Variants in TINCR observed in about 807,000 individuals in gnomAD.
TINCR encodes TINCR-encoded ubiquitin-like protein.
chr19:5,561,516 G>C (rs1318711039), downstream of TINCR: 1 of 152,352 alleles, frequency 6.6e-6, no homozygotes, highest in Admixed American at 6.5e-5. Flanking sequence ...GACACGGACA[G>C]TGATCTGCAG....
intron 1 of TINCR, among the ~76,000 whole-genome samples, chr19:5,564,881 A>T (rs2052120296): frequency 6.6e-6 from 1 of 151,544 alleles, no homozygotes; most frequent in South Asian, 2.1e-4. Flanking sequence ...CCCAGCCAAA[A>T]CTGTCTCCTC....
In TINCR at chr19:5,563,898, G is replaced by C. The variant is rs2052114269; in HGVS notation, c.261-949C>G. 6.6e-6 allele frequency among the ~76,000 whole-genome samples: 1 copy of C among 152,148 alleles called. No individual in the cohort carries two copies. On this transcript the variant is annotated intron_variant, in intron 1 of 1. Transcript: ENST00000646160. The surrounding 1 kb of genome is among the most constrained non-coding windows in gnomAD (Gnocchi z 4.7). ...CCACTGCACTCCAGCCTGGGCGACA[G>C]AGCAAGACTCCCGTCTCAAAAATAA...
chr19:5,563,460 G>A lies in TINCR; in HGVS notation c.261-511C>T, dbSNP rs1214111554. Among the ~76,000 whole-genome samples, 1 of 152,168 alleles carries A rather than the reference G, an allele frequency of 6.6e-6. No homozygotes were observed. The highest frequency in any genetic ancestry group is 2.4e-5 in the African/African-American group (1 of 41,454). ...GGGAGGAAGAGAGGAATAGACTGATGTCAATAAAATCAGAATAATAACAAC... is the reference window on the plus strand; with the variant it reads ...GGGAGGAAGAGAGGAATAGACTGATATCAATAAAATCAGAATAATAACAAC... On this transcript the variant is annotated intron_variant, in intron 1 of 1. Coordinates refer to ENST00000646160, the Ensembl canonical transcript of TINCR. This position sits in a 1 kb window ranked among gnomAD's most constrained non-coding sequence, Gnocchi z 4.7.
rs1164333607 is a variant in TINCR, at chr19:5,567,828, G to T, written c.97C>A (p.Pro33Thr). 2.8e-5 allele frequency: 11 copies of T among 394,230 alleles called. No individual in the cohort carries two copies. The East Asian group carries it at 3.6e-4, about 13-fold the overall frequency. The allele number at this position is 394,230 out of a possible 1,614,324, so 24.4% of individuals were successfully genotyped here. Reference sequence around the variant, plus strand: ...CGCAGGTCGCTGAGCGTGTCCCGCGGCCGCACGGTCAGCGGTAGCAGCAGC... The same window carrying T: ...CGCAGGTCGCTGAGCGTGTCCCGCGTCCGCACGGTCAGCGGTAGCAGCAGC... Residue 33 changes from proline (P) to threonine (T), a missense_variant, in exon 1 of 2, where the codon CCG becomes ACG. Pro to Thr is a conservative substitution (Grantham distance 38). Transcript: ENST00000646160.
At chr19:5,564,679 G>A (rs2052119242) in intron 1 of TINCR, among the ~76,000 whole-genome samples, 1 of 152,230 alleles carries the variant, frequency 6.6e-6, no homozygotes, top group Non-Finnish European at 1.5e-5. Flanking sequence ...CCAGGTTCAA[G>A]CGATTCTCCT....
chr19:5,567,670 G>A (rs2145292277), exon 1 of TINCR: 2 of 381,380 alleles, frequency 5.2e-6, no homozygotes, highest in Non-Finnish European at 9.3e-6. Context: ...GCCACCTGGG[G>A]TCGCTGACGA....
At chr19:5,564,769 C>T (rs952211580) in intron 1 of TINCR, among the ~76,000 whole-genome samples, 4 of 152,140 alleles carry the variant, frequency 2.6e-5, no homozygotes, top group African/African-American at 9.7e-5. Context: ...GTAGAGACAG[C>T]GTTTCGCCAT....
intron 1 of TINCR, among the ~76,000 whole-genome samples, chr19:5,567,204 CAAA>C (rs780691844): frequency 1.3e-5 from 2 of 150,296 alleles, no homozygotes; most frequent in Non-Finnish European, 3.0e-5. Flanking sequence ...GAGACAGCCA[CAAA>C]AGAGATGAGA....
At chr19:5,567,573 G>C (rs1383400047) in intron 1 of TINCR, 92 bp downstream of exon 1, 4 of 374,494 alleles carry the variant, frequency 1.1e-5, no homozygotes, top group Non-Finnish European at 1.9e-5. Flanking sequence ...TGCCGGCCCG[G>C]GAGGCCGCCT....
intron 1 of TINCR, among the ~76,000 whole-genome samples, chr19:5,564,416 C>T (rs1374347447): frequency 1.3e-5 from 2 of 152,204 alleles, no homozygotes; most frequent in Admixed American, 1.3e-4. Flanking sequence ...TTAGCTGCCT[C>T]GGGACACACA....
Position 5,562,991 on chromosome 19 carries a change from G to A in TINCR, c.261-42C>T, listed in dbSNP as rs1277292999. ...AACAGGATGGTCAGGGAGGGCTGCA[G>A]GAAGAGAGGGAGTTGGGGACCTGAG... On this transcript the variant is annotated intron_variant, in intron 1 of 1. Coordinates refer to ENST00000646160, the Ensembl canonical transcript of TINCR. This position sits in a 1 kb window ranked among gnomAD's most constrained non-coding sequence, Gnocchi z 4.4. 6.6e-6 allele frequency: 1 copy of A among 152,386 alleles called. No individual in the cohort carries two copies. Among genetic ancestry groups the A allele is most frequent in the African/African-American group, 2.4e-5 (1 of 41,420 alleles). The allele number at this position is 152,386 out of a possible 1,614,324, so 9.4% of individuals were successfully genotyped here.
exon 1 of TINCR, chr19:5,567,814 G>A (rs1279590369): frequency 5.1e-6 from 2 of 394,290 alleles, no homozygotes; most frequent in African/African-American, 4.1e-5. Context: ...GCAGGTCGCT[G>A]AGCGTGTCCC....
rs56917160 is a variant in TINCR, at chr19:5,564,894, A to C, written c.261-1945T>G. ...CGCCCAGCCAAAACTGTCTCCTCTG[A>C]AGGCTTCTGTTCTCTGCCTCCAGCA... On this transcript the variant is annotated intron_variant, in intron 1 of 1. Transcript: ENST00000646160. Among the ~76,000 whole-genome samples, 699 of 151,768 alleles carry C rather than the reference A, an allele frequency of 4.6e-3. 9 individuals are homozygous for C. Among genetic ancestry groups the C allele is most frequent in the African/African-American group, 0.016 (683 of 41,438 alleles).
At position 5,563,732 on chromosome 19, in the gene TINCR, T is replaced by A. The variant is rs1806964; in HGVS notation, c.261-783A>T. Among the ~76,000 whole-genome samples, 378 of 152,096 alleles carry A rather than the reference T, an allele frequency of 2.5e-3. 2 individuals carry two copies. The highest frequency in any genetic ancestry group is 8.6e-3 in the African/African-American group (356 of 41,476). On this transcript the variant is annotated intron_variant, in intron 1 of 1. Transcript: ENST00000646160. This position sits in a 1 kb window ranked among gnomAD's most constrained non-coding sequence, Gnocchi z 4.7. ...GAGTTTGAGACCAGCCTGGCCAACA[T>A]GGTGAAACGGTCTCTACTAAAAATA... is the stretch of plus-strand genomic sequence containing the variant.
intron 1 of TINCR, among the ~76,000 whole-genome samples, chr19:5,566,964 A>T (rs999772470): frequency 6.6e-6 from 1 of 152,026 alleles, no homozygotes; most frequent in African/African-American, 2.4e-5. Context: ...GAAAAGAGAG[A>T]CAGAGACAGA....
intron 1 of TINCR, among the ~76,000 whole-genome samples, chr19:5,567,273 T>C (rs927921748): frequency 1.5e-5 from 2 of 136,612 alleles, no homozygotes; most frequent in African/African-American, 5.6e-5. Context: ...AAGAGAGAGA[T>C]GAAAGAGACA....
At chr19:5,558,177 A>G (rs1398270643), downstream of TINCR, 1 of 152,276 alleles carries the variant, frequency 6.6e-6, no homozygotes, top group Non-Finnish European at 1.5e-5. Context: ...TTGTTTTCAA[A>G]CATGTAATCT....
intron 1 of TINCR, 30 bp downstream of exon 1, chr19:5,567,635 G>GCCCCCCCCCCCCCCCCCC: frequency 8.9e-6 from 1 of 111,790 alleles, no homozygotes; most frequent in Non-Finnish European, 1.6e-5. Flanking sequence ...CGCCGCCCCC[G>GCCCCCCCCCCCCCCCCCC]CCCCACCCCA....
In TINCR at chr19:5,563,498, T is replaced by C. The variant is rs1331387804; in HGVS notation, c.261-549A>G. On this transcript the variant is annotated intron_variant, in intron 1 of 1. Coordinates refer to ENST00000646160, the Ensembl canonical transcript of TINCR. The surrounding 1 kb of genome is among the most constrained non-coding windows in gnomAD (Gnocchi z 4.7). ...GAATAATAACAACTGTTCCCACTAA[T>C]GGAGCAGGGAGAAGGTTTAGTGATG... 4.6e-5 allele frequency among the ~76,000 whole-genome samples: 7 copies of C among 152,292 alleles called. No individual in the cohort carries two copies. In the East Asian group the frequency reaches 1.4e-3, roughly 29 times the overall value.
Sources: allele counts gnomAD v4.1 joint callset (sites outside exome capture counted in the v4.1 genomes callset), GRCh38; gene constraint gnomAD v4.1.1; non-coding constraint Gnocchi (gnomAD v3.1); transcripts MANE v1.5; gene names NCBI Gene and HGNC (gene_info 2026-07-23, HGNC 2026-07-21).